Variants in KLF13 observed in about 807,000 individuals in gnomAD.
KLF13 encodes Krueppel-like factor 13.
In KLF13, 8 loss-of-function variants were observed where a neutral mutation model predicts 16.7. That is an observed-to-expected ratio of 0.48 (90% CI 0.28 to 0.87). The LOEUF is 0.87. Among genes scored for constraint, KLF13 ranks in the 40% least tolerant of loss-of-function variants. The pLI is 0.10. For missense variants in KLF13, 447 were observed against 452.2 expected (o/e 0.99, Z 0.10); for synonymous variants, 245 against 208.4 (o/e 1.18, Z -1.51).
At chr15:31,354,063 T>C (rs887636338) in intron 1 of KLF13, among the ~76,000 whole-genome samples, 1 of 152,184 alleles carries the variant, frequency 6.6e-6, no homozygotes, top group Non-Finnish European at 1.5e-5. Flanking sequence ...ACAGCGTCAG[T>C]GTGGAGGCCT....
chr15:31,343,787 C>T (rs980603422), intron 1 of KLF13, among the ~76,000 whole-genome samples: 4 of 152,182 alleles, frequency 2.6e-5, no homozygotes, highest in Non-Finnish European at 4.4e-5. Flanking sequence ...CCACTGACTG[C>T]GGGTCACCAT....
intron 1 of KLF13, among the ~76,000 whole-genome samples, chr15:31,335,025 A>G (rs1018156624): frequency 2.0e-5 from 3 of 152,202 alleles, no homozygotes; most frequent in African/African-American, 7.2e-5. Flanking sequence ...AAGCTCTGCC[A>G]TTTGGCCATA....
At chr15:31,420,257 A>C (rs369306167) in intron 1 of KLF13, 1 of 707,644 alleles carries the variant, frequency 1.4e-6, no homozygotes. Context: ...GACCCTCATG[A>C]TATCTGGTGA....
At chr15:31,368,142 T>A (rs1336878956) in intron 1 of KLF13, among the ~76,000 whole-genome samples, 1 of 152,160 alleles carries the variant, frequency 6.6e-6, no homozygotes. Context: ...TTTTTCCAGA[T>A]AAGATCACAT....
chr15:31,353,167 T>C (rs1000078509), intron 1 of KLF13, among the ~76,000 whole-genome samples: 2 of 152,200 alleles, frequency 1.3e-5, no homozygotes, highest in Admixed American at 6.5e-5. Context: ...TTAGGGAGTT[T>C]TGCTGGGGCC....
chr15:31,422,041 G>T (rs1449461993), intron 1 of KLF13, among the ~76,000 whole-genome samples: 1 of 151,940 alleles, frequency 6.6e-6, no homozygotes, highest in Non-Finnish European at 1.5e-5. Flanking sequence ...CTTGAACCTG[G>T]GAGGCGGAGG....
At chr15:31,394,563 T>C (rs1001864153) in intron 2 of KLF13, among the ~76,000 whole-genome samples, 5 of 152,112 alleles carry the variant, frequency 3.3e-5, no homozygotes, top group African/African-American at 1.2e-4. Flanking sequence ...ATATAGATTT[T>C]GCTTATTTTT....
At chr15:31,367,643 G>A (rs2140962824) in intron 1 of KLF13, among the ~76,000 whole-genome samples, 1 of 152,316 alleles carries the variant, frequency 6.6e-6, no homozygotes. Flanking sequence ...GGCTGAGTCT[G>A]AATTTGGGTT....
At chr15:31,389,093 G>T (rs1240560791), upstream of KLF13, among the ~76,000 whole-genome samples, 1 of 152,060 alleles carries the variant, frequency 6.6e-6, no homozygotes, top group South Asian at 2.1e-4. Context: ...TGCCACCCCT[G>T]AGACAGCAAG....
chr15:31,403,673 T>G (rs2040072675), exon 3 of KLF13: 1 of 152,222 alleles, frequency 6.6e-6, no homozygotes, highest in Non-Finnish European at 1.5e-5. Context: ...GAGCACTGGA[T>G]AGATGGAGCC....
chr15:31,360,571 TG>T (rs1223756461), intron 1 of KLF13, among the ~76,000 whole-genome samples: 1 of 152,148 alleles, frequency 6.6e-6, no homozygotes, highest in Non-Finnish European at 1.5e-5. Context: ...GAGCCCCTGG[TG>T]GCTCCATGGG....
At chr15:31,423,255 G>T (rs765823559) in intron 1 of KLF13, among the ~76,000 whole-genome samples, 2 of 146,360 alleles carry the variant, frequency 1.4e-5, no homozygotes, top group Non-Finnish European at 3.0e-5. Context: ...GGACAAATAG[G>T]CAGTAACACA....
intron 1 of KLF13, among the ~76,000 whole-genome samples, chr15:31,341,269 G>A (rs1191697885): frequency 6.6e-6 from 1 of 152,184 alleles, no homozygotes; most frequent in Admixed American, 6.5e-5. Flanking sequence ...AAGTGGGTCT[G>A]GTCATGCTGC....
chr15:31,394,269 G>T (rs1051198167), intron 2 of KLF13, among the ~76,000 whole-genome samples: 3 of 152,034 alleles, frequency 2.0e-5, no homozygotes, highest in Admixed American at 2.0e-4. Context: ...GAGGTCAGGA[G>T]ATCGAGACCA....
Position 31,327,086 on chromosome 15 carries a change from G to T in KLF13, c.-127G>T. 3.3e-6 allele frequency: 2 copies of T among 609,292 alleles called. No individual in the cohort carries two copies. The highest frequency in any genetic ancestry group is 4.3e-6 in the Non-Finnish European group (2 of 467,718). 37.7% of individuals were successfully genotyped at this position (609,292 alleles called of 1,614,324 possible). ...CACAGGCGGCTGCGCGCCCAGCCCA[G>T]CCCAGCCCAGCCCGAGGAGAGGGCG... On this transcript the variant is annotated 5_prime_UTR_variant, in exon 1 of 2. Coordinates refer to ENST00000307145, the MANE Select transcript of KLF13 (RefSeq NM_015995.4).
chr15:31,386,316 G>A (rs143883012), intron 1 of KLF13, among the ~76,000 whole-genome samples: 5 of 152,266 alleles, frequency 3.3e-5, no homozygotes, highest in East Asian at 1.9e-4. Context: ...TAGCTAACAC[G>A]GTGAAACCCT....
chr15:31,403,204 C>T (rs574565714), intron 2 of KLF13, among the ~76,000 whole-genome samples: 21 of 152,310 alleles, frequency 1.4e-4, no homozygotes, highest in African/African-American at 5.1e-4. Flanking sequence ...AGTTTTGGGG[C>T]AAGATCTTTT....
rs369977510 is a variant in KLF13 at position 31,349,428 on chromosome 15, C to G, written c.577+21639C>G. Reference sequence around the variant, plus strand: ...GTCAGGCAGTAGTGGTACAGCAGCGCTGTCTTCGATGGAACAGCCACCATG... The same window carrying G: ...GTCAGGCAGTAGTGGTACAGCAGCGGTGTCTTCGATGGAACAGCCACCATG... On this transcript the variant is annotated intron_variant, in intron 1 of 1. Coordinates refer to ENST00000307145, the MANE Select transcript of KLF13 (RefSeq NM_015995.4). 1.1e-4 allele frequency among the ~76,000 whole-genome samples: 16 copies of G among 152,348 alleles called. 1 individual carries two copies. Among genetic ancestry groups the G allele is most frequent in the Admixed American group, 5.9e-4 (9 of 15,306 alleles).
Position 31,371,084 on chromosome 15 carries a change from A to G in KLF13, c.578-926A>G, listed in dbSNP as rs113145698. Among the ~76,000 whole-genome samples the G allele has an allele frequency of 2.0e-3, 298 of 152,250 alleles. 1 individual carries two copies. The highest frequency in any genetic ancestry group is 6.5e-3 in the African/African-American group (272 of 41,532). On this transcript the variant is annotated intron_variant, in intron 1 of 1. Coordinates refer to ENST00000307145, the MANE Select transcript of KLF13 (RefSeq NM_015995.4). ...GAAGGGCAGCCCTGCGGCCACCCCT[A>G]ATACAAGAAGGGCTCGTTTCTGGGG...
Sources: allele counts gnomAD v4.1 joint callset (sites outside exome capture counted in the v4.1 genomes callset), GRCh38; gene constraint gnomAD v4.1.1; transcripts MANE v1.5; gene names NCBI Gene and HGNC (gene_info 2026-07-23, HGNC 2026-07-21).